CACNB2: variants seen among roughly 807,000 people sequenced by gnomAD.
CACNB2 encodes calcium voltage-gated channel auxiliary subunit beta 2, also known as voltage-dependent L-type calcium channel subunit beta-2.
Under a neutral mutation model 73.3 loss-of-function variants are expected in CACNB2, and 42 were observed. The observed-to-expected ratio is 0.57, with a 90% CI of 0.45 to 0.74. CACNB2 has a LOEUF of 0.74. CACNB2 is among the 30% of genes least tolerant of loss of function. The probability of loss-of-function intolerance (pLI) is 0.00; values close to 1 mark genes in which losing one functional copy is unlikely to be tolerated. For synonymous variants in CACNB2, 348 were observed against 310.3 expected, an observed-to-expected ratio of 1.12 and a Z score of -1.28; for missense variants, 940 against 853.0, an observed-to-expected ratio of 1.10 and a Z score of -1.27.
At chr10:18,524,357 GAAATCAGT>G (rs2052235294) in intron 9 of CACNB2, among the ~76,000 whole-genome samples, 1 of 152,094 alleles carries the variant, frequency 6.6e-6, no homozygotes, top group Non-Finnish European at 1.5e-5. Context: ...AGTCTTACTA[GAAATCAGT>G]AATCCTGAGG....
rs982692558 is a variant in CACNB2 at position 18,362,200 on chromosome 10, A to T, written c.214-39724A>T. Among the ~76,000 whole-genome samples the T allele has an allele frequency of 3.9e-5, 6 of 152,132 alleles. No homozygotes were observed. In the East Asian group the frequency reaches 9.6e-4, roughly 24 times the overall value. On this transcript the variant is annotated intron_variant, in intron 2 of 13. Transcript: ENST00000324631. ...CGAGTGTTTTTGTATACATGCATACATCCTATTCTTTTCAGCCATATTGTT... is the reference window on the plus strand; with the variant it reads ...CGAGTGTTTTTGTATACATGCATACTTCCTATTCTTTTCAGCCATATTGTT...
intron 3 of CACNB2, among the ~76,000 whole-genome samples, chr10:18,446,203 G>T (rs2046727265): frequency 6.6e-6 from 1 of 152,190 alleles, no homozygotes; most frequent in South Asian, 2.1e-4. Context: ...GAAGCATGAA[G>T]CACAGAAGAA....
intron 3 of CACNB2, among the ~76,000 whole-genome samples, chr10:18,484,267 G>A (rs1426390044): frequency 3.3e-5 from 5 of 151,952 alleles, no homozygotes; most frequent in African/African-American, 1.2e-4. Flanking sequence ...GGTGGCGGGC[G>A]CCTATAATCC....
intron 2 of CACNB2, among the ~76,000 whole-genome samples, chr10:18,324,691 A>G (rs946681256): frequency 2.6e-5 from 4 of 152,214 alleles, no homozygotes; most frequent in Admixed American, 6.5e-5. Context: ...CCTCGTCTCT[A>G]CTGAAAATAC....
Position 18,426,078 on chromosome 10 carries a change from T to G in CACNB2, c.333+24035T>G, listed in dbSNP as rs559785172. 3.3e-5 allele frequency among the ~76,000 whole-genome samples: 5 copies of G among 152,322 alleles called. No individual in the cohort carries two copies. The East Asian group carries it at 9.6e-4, about 29-fold the overall frequency. On this transcript the variant is annotated intron_variant, in intron 3 of 13. Transcript: ENST00000324631. Reference sequence around the variant, plus strand: ...GGATTGAACTGACTATTCTTGGACCTTTCTGTTCCATATAAATTTTAGATA... The same window carrying G: ...GGATTGAACTGACTATTCTTGGACCGTTCTGTTCCATATAAATTTTAGATA...
intron 2 of CACNB2, chr10:18,206,737 TTC>T (rs1184071460): frequency 6.6e-6 from 1 of 152,250 alleles, no homozygotes; most frequent in East Asian, 1.9e-4. Flanking sequence ...TAGTGGTGCC[TTC>T]TGCACTGCAG....
intron 2 of CACNB2, among the ~76,000 whole-genome samples, chr10:18,291,119 G>T (rs1301113385): frequency 2.0e-5 from 3 of 152,216 alleles, no homozygotes; most frequent in Non-Finnish European, 2.9e-5. Flanking sequence ...TACGTCGTGA[G>T]GCTGCGCAGA....
intron 2 of CACNB2, among the ~76,000 whole-genome samples, chr10:18,348,882 G>A (rs1380123635): frequency 6.6e-6 from 1 of 152,194 alleles, no homozygotes; most frequent in African/African-American, 2.4e-5. Context: ...ACTTTAGGAG[G>A]CCAAGGTGGG....
chr10:18,277,046 G>A (rs974257839), intron 2 of CACNB2, among the ~76,000 whole-genome samples: 7 of 152,212 alleles, frequency 4.6e-5, no homozygotes, highest in Non-Finnish European at 2.9e-5. Flanking sequence ...GAGCCTGGGA[G>A]GTCGAGGCTG....
At chr10:18,161,934 T>C (rs1461644528) in intron 2 of CACNB2, among the ~76,000 whole-genome samples, 1 of 151,936 alleles carries the variant, frequency 6.6e-6, no homozygotes, top group Non-Finnish European at 1.5e-5. Flanking sequence ...TTCTCAGAAA[T>C]AAAATAATAA....
At chr10:18,436,263 C>A (rs188446680) in intron 3 of CACNB2, among the ~76,000 whole-genome samples, 89 of 152,282 alleles carry the variant, frequency 5.8e-4, no homozygotes, top group Non-Finnish European at 1.0e-3. Context: ...TTAGAAACTT[C>A]TGTTTCATTT....
chr10:18,477,368 C>G (rs1003801755), intron 3 of CACNB2, among the ~76,000 whole-genome samples: 1 of 152,106 alleles, frequency 6.6e-6, no homozygotes, highest in Non-Finnish European at 1.5e-5. Flanking sequence ...AATAAGAATG[C>G]CTAAACTCTT....
intron 3 of CACNB2, among the ~76,000 whole-genome samples, chr10:18,469,759 A>G (rs183267727): frequency 1.3e-5 from 2 of 152,342 alleles, no homozygotes; most frequent in East Asian, 3.9e-4. Context: ...AAGTTACTAT[A>G]AAATCGTAAC....
chr10:18,538,057 TTATAGAAGCAGGAGCAAG>T, intron 12 of CACNB2, 105 bp from the exon 13 acceptor site: 1 of 897,406 alleles, frequency 1.1e-6, no homozygotes, highest in Non-Finnish European at 1.9e-6. Context: ...GTAGCAGCAC[TTATAGAAGCAGGAGCAAG>T]TACAAAGGGG....
intron 2 of CACNB2, among the ~76,000 whole-genome samples, chr10:18,341,859 T>A (rs1042593521): frequency 1.3e-5 from 2 of 152,218 alleles, no homozygotes; most frequent in Non-Finnish European, 2.9e-5. Context: ...ACTGAGATAC[T>A]TTTTATGTGA....
chr10:18,451,514 T>C (rs1215633525), intron 3 of CACNB2, among the ~76,000 whole-genome samples: 1 of 152,244 alleles, frequency 6.6e-6, no homozygotes, highest in Non-Finnish European at 1.5e-5. Context: ...ATTTGTTCAA[T>C]GTGAAGTTTT....
chr10:18,227,648 C>T (rs2036047809), intron 2 of CACNB2, among the ~76,000 whole-genome samples: 1 of 152,140 alleles, frequency 6.6e-6, no homozygotes, highest in Non-Finnish European at 1.5e-5. Flanking sequence ...ACAGGCAGAT[C>T]TCTGCGCTGT....
chr10:18,407,109 C>CTTTTTTTTTTTTTTTTTTTTTTTTT lies in CACNB2; in HGVS notation c.333+5073_333+5097dup, dbSNP rs71507267. On this transcript the variant is annotated intron_variant, in intron 3 of 13. Transcript: ENST00000324631. ...CTAAAGTCCAGACCTGCTGTTCTGT[C>CTTTTTTTTTTTTTTTTTTTTTTTTT]TTTTTTTTTTTTTTTTTTTTTTTTT... Among the ~76,000 whole-genome samples, 97 of 35,614 alleles carry CTTTTTTTTTTTTTTTTTTTTTTTTT rather than the reference C, an allele frequency of 2.7e-3. 28 individuals are homozygous for CTTTTTTTTTTTTTTTTTTTTTTTTT. Among genetic ancestry groups the CTTTTTTTTTTTTTTTTTTTTTTTTT allele is most frequent in the Non-Finnish European group, 3.9e-3 (75 of 19,388 alleles). The allele number at this position is 35,614 out of a possible 152,430, so 23.4% of individuals were successfully genotyped here. A position where few individuals can be genotyped will look rare whatever the true frequency, so the allele number is the denominator to read the frequency against.
intron 3 of CACNB2, among the ~76,000 whole-genome samples, chr10:18,423,380 G>A (rs1235123908): frequency 6.6e-6 from 1 of 152,156 alleles, no homozygotes; most frequent in Non-Finnish European, 1.5e-5. Flanking sequence ...GGCATGGGCC[G>A]GAGGAAGATA....
Sources: allele counts gnomAD v4.1 joint callset (sites outside exome capture counted in the v4.1 genomes callset), GRCh38; gene constraint gnomAD v4.1.1; transcripts MANE v1.5; gene names NCBI Gene and HGNC (gene_info 2026-07-23, HGNC 2026-07-21).